RALGAPA1: variants seen among roughly 807,000 people sequenced by gnomAD.
The protein encoded by RALGAPA1 is ral GTPase-activating protein subunit alpha-1.
RALGAPA1 carries 52 observed loss-of-function variants against 269.6 expected under a neutral mutation model. The observed-to-expected ratio is 0.19, with a 90% CI of 0.15 to 0.24. The LOEUF (loss-of-function observed/expected upper bound fraction) is 0.24, where lower values mean the gene tolerates loss of function less well. RALGAPA1 is among the 10% of genes least tolerant of loss of function. RALGAPA1 has a pLI of 1.00. For synonymous variants in RALGAPA1, 817 were observed against 1,008.3 expected, an observed-to-expected ratio of 0.81 and a Z score of 3.60; for missense variants, 1,917 against 3,013.9, an observed-to-expected ratio of 0.64 and a Z score of 8.52.
chr14:35,794,533 T>C lies in RALGAPA1; in HGVS notation c.106+14197A>G, dbSNP rs542211402. 5.3e-5 allele frequency among the ~76,000 whole-genome samples: 8 copies of C among 152,294 alleles called. No individual in the cohort carries two copies. The South Asian group carries it at 8.3e-4, about 16-fold the overall frequency. Reference sequence around the variant, plus strand: ...GTGCAGTGGCGCAGTCTCGGCTCACTGCAAGCTCCGCCTCCTGGGTTCACG... The same window carrying C: ...GTGCAGTGGCGCAGTCTCGGCTCACCGCAAGCTCCGCCTCCTGGGTTCACG... On this transcript the variant is annotated intron_variant, in intron 1 of 41. Transcript: ENST00000680220.
intron 1 of RALGAPA1, among the ~76,000 whole-genome samples, chr14:35,800,713 T>A (rs1390221861): frequency 6.6e-6 from 1 of 152,046 alleles, no homozygotes; most frequent in Non-Finnish European, 1.5e-5. Flanking sequence ...AGAAAGAAAG[T>A]AACAAAGACT....
chr14:35,767,755 TTC>T (rs781244125), intron 4 of RALGAPA1, among the ~76,000 whole-genome samples: 21 of 151,978 alleles, frequency 1.4e-4, no homozygotes, highest in Non-Finnish European at 2.8e-4. Flanking sequence ...GAAGCAGAAT[TTC>T]TCTCTTTTTT....
chr14:35,669,817 C>CAGAGGGAT (rs1396885788), intron 26 of RALGAPA1, among the ~76,000 whole-genome samples: 3 of 152,088 alleles, frequency 2.0e-5, no homozygotes, highest in Non-Finnish European at 4.4e-5. Context: ...ATTCTATATC[C>CAGAGGGAT]CTCTGTATTC....
intron 36 of RALGAPA1, among the ~76,000 whole-genome samples, chr14:35,601,247 C>T (rs149007185): frequency 1.1e-3 from 161 of 152,272 alleles, no homozygotes; most frequent in African/African-American, 3.6e-3. Flanking sequence ...ATATTGGTGG[C>T]GATGGAATTC....
chr14:35,601,309 T>C (rs1178726212), intron 36 of RALGAPA1, among the ~76,000 whole-genome samples: 2 of 152,182 alleles, frequency 1.3e-5, no homozygotes, highest in African/African-American at 4.8e-5. Context: ...GGGAGACTCA[T>C]TACCAACTGG....
chr14:35,634,602 T>C lies in RALGAPA1; in HGVS notation c.5967A>G (p.Arg1989=), dbSNP rs762228304. The change falls in exon 33 of 42, where the codon CGA becomes CGG. Residue 1989 remains arginine, a synonymous_variant. Transcript: ENST00000680220. ...PEPLHSPDSE[R]SSKLQPVTEV... ...CTGTTACTGGCTGGAGTTTAGAAGA[T>C]CGTTCTGAGTCAGGAGAGTGCAGAG... is the stretch of plus-strand genomic sequence containing the variant. 1.9e-6 allele frequency: 3 copies of C among 1,612,236 alleles called. No individual in the cohort carries two copies. Among genetic ancestry groups the C allele is most frequent in the Non-Finnish European group, 2.5e-6 (3 of 1,179,118 alleles).
In RALGAPA1 at chr14:35,623,817, C is replaced by T. The variant is rs150342656; in HGVS notation, c.6929+1544G>A. On this transcript the variant is annotated intron_variant, in intron 35 of 41. Transcript: ENST00000680220. ...TTTTTAGGCCGGGCGCGGTGGCTCA[C>T]GCCTGTAATCCCAGCACTTTGGGAG... Among the ~76,000 whole-genome samples the T allele has an allele frequency of 1.7e-3, 254 of 152,284 alleles. 1 individual carries two copies. Among genetic ancestry groups the T allele is most frequent in the African/African-American group, 5.8e-3 (239 of 41,540 alleles).
Position 35,599,820 on chromosome 14 carries a change from C to G in RALGAPA1, c.7054-4031G>C, listed in dbSNP as rs185200280. Among the ~76,000 whole-genome samples the G allele has an allele frequency of 2.6e-3, 377 of 147,240 alleles. 2 individuals are homozygous for G. Among genetic ancestry groups the G allele is most frequent in the African/African-American group, 9.6e-3 (360 of 37,652 alleles). On this transcript the variant is annotated intron_variant, in intron 36 of 41. Transcript: ENST00000680220. ...TTGACAGTTCTTTTTTCTTTCAGCACCTGGCTCCCACAGTTTCTGATAAGA... is the reference window on the plus strand; with the variant it reads ...TTGACAGTTCTTTTTTCTTTCAGCAGCTGGCTCCCACAGTTTCTGATAAGA...
At chr14:35,756,712 C>A in intron 7 of RALGAPA1, 81 bp downstream of exon 7, 2 of 1,013,126 alleles carry the variant, frequency 2.0e-6, no homozygotes, top group East Asian at 2.7e-5. Flanking sequence ...TCTACTATGA[C>A]AGAATAATGG....
chr14:35,689,616 T>G lies in RALGAPA1; in HGVS notation c.2795A>C (p.Asp932Ala). The change falls in exon 18 of 42, where the codon GAC becomes GCC. Residue 932 changes from aspartate (D) to alanine (A), a missense_variant. Asp to Ala is a moderately radical substitution (Grantham distance 126). This residue lies in a region of RALGAPA1 where 615 missense variants were observed against 790.0 expected (regional missense o/e 0.78). Coordinates refer to ENST00000680220, the MANE Select transcript of RALGAPA1 (RefSeq NM_001346249.2). Reference sequence around the variant, plus strand: ...AAGAAGATCATCATCTCCTTCAAGGTCAATGTACTGGATTTGTTCAAAAGC... The same window carrying G: ...AAGAAGATCATCATCTCCTTCAAGGGCAATGTACTGGATTTGTTCAAAAGC... ...DSAFEQIQYIDLEGDDDLLST... is the reference protein window; with the variant it reads ...DSAFEQIQYIALEGDDDLLST... The G allele has an allele frequency of 2.4e-6, 3 of 1,251,592 alleles. No homozygotes were observed. Among genetic ancestry groups the G allele is most frequent in the Non-Finnish European group, 3.0e-6 (3 of 1,000,492 alleles). 77.5% of individuals were successfully genotyped at this position (1,251,592 alleles called of 1,614,324 possible).
intron 37 of RALGAPA1, among the ~76,000 whole-genome samples, chr14:35,578,791 T>C (rs4982292): frequency 0.12 from 18,330 of 152,258 alleles, 1,163 homozygotes; most frequent in South Asian, 0.14. Context: ...GATAGTTCTT[T>C]TGATTTGTGG....
chr14:35,686,594 G>C lies in RALGAPA1; in HGVS notation c.4025C>G (p.Pro1342Arg). 1 of 1,610,350 alleles carries C rather than the reference G, an allele frequency of 6.2e-7. No homozygotes were observed. Among genetic ancestry groups the C allele is most frequent in the Non-Finnish European group, 8.5e-7 (1 of 1,178,942 alleles). The part of the protein sequence containing the change: ...SDIGGSSANV[P>R]DLMDEFIAER... ...TGCTATAAACTCATCCATCAGATCA[G>C]GAACATTAGCACTGCTGCCGCCAAT... is the stretch of plus-strand genomic sequence containing the variant. The change falls in exon 19 of 42, where the codon CCT (proline) becomes CGT (arginine). Residue 1342 changes from proline (P) to arginine (R), a missense_variant. Pro to Arg is a moderately radical substitution (Grantham distance 103, BLOSUM62 -2). This residue lies in a region of RALGAPA1 where 615 missense variants were observed against 790.0 expected (regional missense o/e 0.78). Transcript: ENST00000680220.
chr14:35,667,655 G>A (rs752018285), intron 26 of RALGAPA1, among the ~76,000 whole-genome samples: 2 of 152,186 alleles, frequency 1.3e-5, no homozygotes, highest in Non-Finnish European at 2.9e-5. Context: ...CACACTTTGG[G>A]TAGCAAAGAT....
At chr14:35,736,614 T>C (rs1036569734) in intron 12 of RALGAPA1, among the ~76,000 whole-genome samples, 1 of 152,108 alleles carries the variant, frequency 6.6e-6, no homozygotes, top group Non-Finnish European at 1.5e-5. Flanking sequence ...AGCATTTCAA[T>C]GGGGAAGGAA....
At chr14:35,699,316 A>T (rs1312698341) in intron 17 of RALGAPA1, among the ~76,000 whole-genome samples, 2 of 152,008 alleles carry the variant, frequency 1.3e-5, no homozygotes, top group Non-Finnish European at 2.9e-5. Context: ...GGAGGGGAGG[A>T]GTGTGTGGTG....
At chr14:35,553,312 C>T (rs2055200593) in intron 39 of RALGAPA1, among the ~76,000 whole-genome samples, 2 of 151,968 alleles carry the variant, frequency 1.3e-5, no homozygotes, top group East Asian at 1.9e-4. Flanking sequence ...GTTTGCGGCA[C>T]GTACAGAGAG....
intron 22 of RALGAPA1, among the ~76,000 whole-genome samples, chr14:35,675,234 G>A (rs1450385045): frequency 1.3e-5 from 2 of 152,184 alleles, no homozygotes; most frequent in African/African-American, 4.8e-5. Flanking sequence ...GGAGTGCAAT[G>A]GCGTGATCTT....
chr14:35,746,511 T>C (rs550052785), intron 10 of RALGAPA1, among the ~76,000 whole-genome samples: 26 of 152,180 alleles, frequency 1.7e-4, no homozygotes, highest in Non-Finnish European at 3.5e-4. Context: ...AACATCACAA[T>C]GTACACCTTA....
intron 1 of RALGAPA1, among the ~76,000 whole-genome samples, chr14:35,802,291 G>T (rs1016379109): frequency 6.6e-6 from 1 of 152,150 alleles, no homozygotes; most frequent in Admixed American, 6.5e-5. Context: ...CTGGGCAACA[G>T]AGTGAGACTC....
Sources: allele counts gnomAD v4.1 joint callset (sites outside exome capture counted in the v4.1 genomes callset), GRCh38; gene constraint gnomAD v4.1.1; regional missense constraint gnomAD v4.1.1; transcripts MANE v1.5; gene names NCBI Gene and HGNC (gene_info 2026-07-23, HGNC 2026-07-21).